Variants in CAST observed in about 807,000 individuals in gnomAD.
CAST encodes the protein calpastatin.
Under a neutral mutation model 119.6 loss-of-function variants are expected in CAST, and 76 were observed. That is an observed-to-expected ratio of 0.64 (90% CI 0.53 to 0.77). CAST has a LOEUF of 0.77. Among genes scored for constraint, CAST ranks in the 30% least tolerant of loss-of-function variants. The probability of loss-of-function intolerance (pLI) is 0.00; values close to 1 mark genes in which losing one functional copy is unlikely to be tolerated. For missense variants in CAST, 953 were observed against 946.5 expected, an observed-to-expected ratio of 1.01 and a Z score of -0.09; for synonymous variants, 319 against 331.6, an observed-to-expected ratio of 0.96 and a Z score of 0.41.
the CAST span, among the ~76,000 whole-genome samples, chr5:96,457,755 C>G: frequency 6.6e-6 from 1 of 152,180 alleles, no homozygotes; most frequent in Non-Finnish European, 1.5e-5. Context: ...CCAGAATGAA[C>G]CGTCACTGTC....
chr5:95,976,421 T>G, the CAST span, among the ~76,000 whole-genome samples: 1 of 152,154 alleles, frequency 6.6e-6, no homozygotes, highest in African/African-American at 2.4e-5. Flanking sequence ...TGCGGAATTA[T>G]AATACCAAAC....
chr5:96,751,119 C>G (rs1456675329), intron 20 of CAST, among the ~76,000 whole-genome samples: 1 of 152,064 alleles, frequency 6.6e-6, no homozygotes, highest in Non-Finnish European at 1.5e-5. Flanking sequence ...TTTCTCTTTC[C>G]TTCTTCTTTT....
At chr5:96,187,849 G>A in the CAST span, among the ~76,000 whole-genome samples, 3 of 152,238 alleles carry the variant, frequency 2.0e-5, no homozygotes, top group African/African-American at 7.2e-5. Context: ...TTGACTGACT[G>A]TGGTGATGGT....
At chr5:96,379,767 T>C in the CAST span, 1 of 152,214 alleles carries the variant, frequency 6.6e-6, no homozygotes, top group Non-Finnish European at 1.5e-5. Context: ...TGTTTGATTC[T>C]ATAGCATAAG....
intron 1 of CAST, among the ~76,000 whole-genome samples, chr5:96,651,033 T>C (rs1191177344): frequency 2.0e-5 from 3 of 152,260 alleles, no homozygotes; most frequent in African/African-American, 7.2e-5. Context: ...TGTGGGTAGA[T>C]ATTTTCTTTC....
intron 1 of CAST, among the ~76,000 whole-genome samples, chr5:96,674,271 G>C (rs917710453): frequency 6.6e-6 from 1 of 151,068 alleles, no homozygotes; most frequent in Non-Finnish European, 1.5e-5. Flanking sequence ...TTTGTATCAA[G>C]ACTGTATGGA....
chr5:96,010,817 T>C, the CAST span, among the ~76,000 whole-genome samples: 1 of 152,220 alleles, frequency 6.6e-6, no homozygotes, highest in African/African-American at 2.4e-5. Flanking sequence ...GATCTTTCAC[T>C]GTCTTGATTG....
the CAST span, among the ~76,000 whole-genome samples, chr5:96,509,449 C>T: frequency 6.6e-6 from 1 of 152,202 alleles, no homozygotes; most frequent in Non-Finnish European, 1.5e-5. Flanking sequence ...CTCTGTGACT[C>T]ATACCACCAG....
At chr5:96,037,342 G>C in the CAST span, among the ~76,000 whole-genome samples, 1 of 152,118 alleles carries the variant, frequency 6.6e-6, no homozygotes, top group South Asian at 2.1e-4. Flanking sequence ...AGTCTACTTT[G>C]CTATGACTAA....
intron 3 of CAST, among the ~76,000 whole-genome samples, chr5:96,704,191 G>T (rs1021717): frequency 0.011 from 1,744 of 152,332 alleles, 18 homozygotes; most frequent in Non-Finnish European, 0.018. Flanking sequence ...TGTAGACTGT[G>T]AAACAGTGTT....
intron 1 of CAST, among the ~76,000 whole-genome samples, chr5:96,582,613 T>A (rs554206173): frequency 1.0e-3 from 158 of 152,322 alleles, no homozygotes; most frequent in African/African-American, 3.7e-3. Context: ...CATTATGTAC[T>A]GGGACGGAGT....
At chr5:96,524,492 C>T (rs1745568410), upstream of CAST, among the ~76,000 whole-genome samples, 1 of 152,190 alleles carries the variant, frequency 6.6e-6, no homozygotes, top group Non-Finnish European at 1.5e-5. Context: ...AGACCAGGGC[C>T]ACCATGCTCA....
chr5:96,496,988 C>A, the CAST span, among the ~76,000 whole-genome samples: 3 of 151,074 alleles, frequency 2.0e-5, no homozygotes, highest in African/African-American at 7.3e-5. Context: ...TTAGGTATAT[C>A]TCCAAATGCT....
At chr5:96,432,965 T>G in the CAST span, 3 of 1,614,214 alleles carry the variant, frequency 1.9e-6, no homozygotes, top group East Asian at 2.2e-5. Context: ...GCCTTTTCGC[T>G]TTTGCACTGT....
the CAST span, among the ~76,000 whole-genome samples, chr5:96,007,109 T>G: frequency 6.6e-6 from 1 of 152,236 alleles, no homozygotes; most frequent in African/African-American, 2.4e-5. Context: ...TAAGGTCATA[T>G]TCTTCAATTA....
At chr5:96,488,253 C>CT in the CAST span, among the ~76,000 whole-genome samples, 1 of 152,084 alleles carries the variant, frequency 6.6e-6, no homozygotes, top group East Asian at 1.9e-4. Flanking sequence ...ATTGTAGTCC[C>CT]TTTTCCTGGG....
chr5:96,293,422 C>T, the CAST span, among the ~76,000 whole-genome samples: 1 of 152,024 alleles, frequency 6.6e-6, no homozygotes, highest in Admixed American at 6.6e-5. Flanking sequence ...GGATTACAGG[C>T]ACCCACCACC....
chr5:96,557,353 A>T (rs1013506092), intron 1 of CAST, among the ~76,000 whole-genome samples: 10 of 152,118 alleles, frequency 6.6e-5, no homozygotes, highest in Non-Finnish European at 1.5e-4. Flanking sequence ...AAATTCACAC[A>T]TAACAATATT....
At chr5:96,765,443 G>T in intron 26 of CAST, 118 bp downstream of exon 26, 1 of 600,730 alleles carries the variant, frequency 1.7e-6, no homozygotes, top group South Asian at 2.2e-5. Context: ...TTTTAAACAT[G>T]AAATTATAAT....
Sources: allele counts gnomAD v4.1 joint callset (sites outside exome capture counted in the v4.1 genomes callset), GRCh38; gene constraint gnomAD v4.1.1; transcripts MANE v1.5; gene names NCBI Gene and HGNC (gene_info 2026-07-23, HGNC 2026-07-21).